CTDP1: variants seen among roughly 807,000 people sequenced by gnomAD.
CTDP1 encodes RNA polymerase II subunit A C-terminal domain phosphatase.
A neutral mutation model predicts 91.8 loss-of-function variants in CTDP1; 47 were observed. That is an observed-to-expected ratio of 0.51 (90% CI 0.41 to 0.65). The LOEUF (loss-of-function observed/expected upper bound fraction) is 0.65, where lower values mean the gene tolerates loss of function less well. Among genes scored for constraint, CTDP1 ranks in the 30% least tolerant of loss-of-function variants. The pLI is 0.00. For missense variants in CTDP1, 1,272 were observed against 1,373.7 expected, an observed-to-expected ratio of 0.93 and a Z score of 1.17; for synonymous variants, 656 against 598.5, an observed-to-expected ratio of 1.10 and a Z score of -1.40.
chr18:79,739,073 A>G (rs1486599919), intron 12 of CTDP1, among the ~76,000 whole-genome samples: 4 of 152,188 alleles, frequency 2.6e-5, no homozygotes, highest in Non-Finnish European at 5.9e-5. Context: ...CCCTCCCCTG[A>G]AGACCCTCTA....
chr18:79,683,926 G>C (rs1220788968), intron 1 of CTDP1, among the ~76,000 whole-genome samples: 1 of 152,232 alleles, frequency 6.6e-6, no homozygotes, highest in Non-Finnish European at 1.5e-5. Context: ...ACCGGGGGGT[G>C]CCTACCCACT....
At chr18:79,748,994 G>C (rs72978104) in intron 12 of CTDP1, among the ~76,000 whole-genome samples, 1 of 152,200 alleles carries the variant, frequency 6.6e-6, no homozygotes, top group South Asian at 2.1e-4. Flanking sequence ...CCGTGGGCTC[G>C]GTTCAGGTCC....
At position 79,715,021 on chromosome 18, in the gene CTDP1, G is replaced by A. The variant is rs186012174; in HGVS notation, c.1561G>A (p.Ala521Thr). Residue 521 changes from alanine to threonine, a missense_variant, in exon 8 of 13, where the codon GCG (alanine) becomes ACG (threonine). This residue lies in a region of CTDP1 where 881 missense variants were observed against 911.6 expected (regional missense o/e 0.97). Coordinates refer to ENST00000613122, the MANE Select transcript of CTDP1 (RefSeq NM_004715.5). ...PSLPGEAEPG[A>T]HAPDKEPELG... is the part of the protein sequence containing the mutation. ...TCTCCCCGGAGAGGCCGAGCCTGGCGCGCATGCCCCGGACAAGGAGCCTGA... is the reference window on the plus strand; with the variant it reads ...TCTCCCCGGAGAGGCCGAGCCTGGCACGCATGCCCCGGACAAGGAGCCTGA... 3.2e-5 allele frequency: 52 copies of A among 1,600,050 alleles called. No homozygotes were observed. In the East Asian group the frequency reaches 5.6e-4, roughly 17 times the overall value.
chr18:79,690,382 C>A (rs1035699852), intron 1 of CTDP1, among the ~76,000 whole-genome samples: 7 of 152,190 alleles, frequency 4.6e-5, no homozygotes, highest in African/African-American at 1.7e-4. Flanking sequence ...CATGGATTTT[C>A]TTTAGGACAA....
chr18:79,710,346 G>T lies in CTDP1; in HGVS notation c.773G>T (p.Gly258Val). 6.2e-7 allele frequency: 1 copy of T among 1,612,812 alleles called. No homozygotes were observed. The highest frequency in any genetic ancestry group is 1.1e-5 in the South Asian group (1 of 91,016). Residue 258 changes from glycine (G) to valine (V), a missense_variant and splice_region_variant, in exon 6 of 13, where the codon GGC (glycine) becomes GTC (valine). Transcript: ENST00000613122. ...TCTTTGTCCTGTTTTCTTTTCCAAG[G>T]CTTTTTAGACCCCGAGAAGAAGCTT... Reference protein sequence around the residue: ...GSRLYAHTIAGFLDPEKKLFS... With the variant: ...GSRLYAHTIAVFLDPEKKLFS...
chr18:79,707,459 C>T (rs959160838), intron 5 of CTDP1, among the ~76,000 whole-genome samples: 7 of 152,236 alleles, frequency 4.6e-5, no homozygotes, highest in Admixed American at 6.5e-5. Flanking sequence ...GCCTCGAGCG[C>T]GGGTCCTCCT....
chr18:79,725,260 C>A (rs117655160), intron 10 of CTDP1, among the ~76,000 whole-genome samples: 1 of 152,176 alleles, frequency 6.6e-6, no homozygotes, highest in East Asian at 1.9e-4. Context: ...GCCGTCTGCC[C>A]CCAGGTTTGC....
chr18:79,685,195 T>C (rs2085469293), intron 1 of CTDP1: 1 of 152,236 alleles, frequency 6.6e-6, no homozygotes, highest in Non-Finnish European at 1.5e-5. Context: ...ATTCCTAGTG[T>C]GGGGGGAGTA....
At chr18:79,728,181 C>T (rs1352727744) in intron 10 of CTDP1, among the ~76,000 whole-genome samples, 1 of 152,028 alleles carries the variant, frequency 6.6e-6, no homozygotes, top group African/African-American at 2.4e-5. Context: ...CTCACTGCAA[C>T]CTCTGCCTCC....
At chr18:79,712,911 A>G in intron 6 of CTDP1, 61 bp from the exon 7 acceptor site, 1 of 1,566,606 alleles carries the variant, frequency 6.4e-7, no homozygotes. Flanking sequence ...TACGCTTGGC[A>G]AGATGAATGA....
At chr18:79,701,239 G>A (rs538296366) in intron 4 of CTDP1, among the ~76,000 whole-genome samples, 43 of 152,146 alleles carry the variant, frequency 2.8e-4, no homozygotes, top group African/African-American at 9.9e-4. Flanking sequence ...GGCCAGGCGC[G>A]GTGGCTCACA....
intron 8 of CTDP1, among the ~76,000 whole-genome samples, chr18:79,716,162 G>C (rs2086204078): frequency 6.6e-6 from 1 of 152,206 alleles, no homozygotes; most frequent in South Asian, 2.1e-4. Flanking sequence ...TAAGCACCTG[G>C]ATTTTCCGCG....
intron 10 of CTDP1, 92 bp downstream of exon 10, chr18:79,718,108 A>G: frequency 1.4e-6 from 2 of 1,466,496 alleles, no homozygotes; most frequent in Non-Finnish European, 1.9e-6. Context: ...AGTTGCCCGA[A>G]GTGAGGGCGG....
intron 4 of CTDP1, among the ~76,000 whole-genome samples, chr18:79,698,453 G>C (rs1282295676): frequency 6.6e-6 from 1 of 152,178 alleles, no homozygotes; most frequent in Non-Finnish European, 1.5e-5. Flanking sequence ...GGTGGGAGGT[G>C]ACCAGCGTAC....
chr18:79,717,711 G>T (rs750571178), intron 9 of CTDP1, 35 bp downstream of exon 9: 76 of 1,613,828 alleles, frequency 4.7e-5, no homozygotes, highest in Non-Finnish European at 6.3e-5. Flanking sequence ...GTCCGTGCCA[G>T]GCGTTCCCTT....
At chr18:79,681,015 T>C (rs2085353520) in intron 1 of CTDP1, 1 of 152,142 alleles carries the variant, frequency 6.6e-6, no homozygotes. Flanking sequence ...CAGGGAGAGG[T>C]GGACACTCCA....
At chr18:79,728,762 T>C in intron 10 of CTDP1, 145 bp from the exon 11 acceptor site, 1 of 540,950 alleles carries the variant, frequency 1.8e-6, no homozygotes, top group Non-Finnish European at 3.0e-6. Flanking sequence ...AAAAGTGTAT[T>C]GGCGAAACAT....
chr18:79,722,813 C>T (rs371391094), intron 10 of CTDP1, among the ~76,000 whole-genome samples: 52 of 152,328 alleles, frequency 3.4e-4, no homozygotes, highest in East Asian at 1.9e-3. Context: ...TCTGAGGAAA[C>T]GGGACCAGCC....
intron 6 of CTDP1, among the ~76,000 whole-genome samples, chr18:79,711,504 T>C (rs1235587353): frequency 1.3e-5 from 2 of 152,046 alleles, no homozygotes; most frequent in Non-Finnish European, 2.9e-5. Context: ...GAGGTGGCAG[T>C]CGAAAGGACC....
Sources: gnomAD v4.1 joint callset for allele counts (sites outside exome capture counted in the v4.1 genomes callset) on GRCh38, gnomAD v4.1.1 for gene constraint, gnomAD v4.1.1 regional missense constraint, MANE v1.5 for transcripts, NCBI Gene and HGNC (gene_info 2026-07-23, HGNC 2026-07-21) for gene names.